WDR41: variants seen among roughly 807,000 people sequenced by gnomAD.
WDR41 encodes WD repeat domain 41, also known as WD repeat-containing protein 41.
Under a neutral mutation model 69.3 loss-of-function variants are expected in WDR41, and 63 were observed. The ratio of observed to expected loss-of-function variants is 0.91; its 90% confidence interval spans 0.74 to 1.12. The LOEUF is 1.12. WDR41 is among the 50% of genes most tolerant of loss of function. The pLI, the probability that WDR41 is intolerant of heterozygous loss-of-function variation, is 0.00. For synonymous variants in WDR41, 185 were observed against 192.1 expected (o/e 0.96, Z 0.31); for missense variants, 543 against 534.5 (o/e 1.02, Z -0.16).
chr5:77,454,927 G>A (rs928665129), intron 5 of WDR41, among the ~76,000 whole-genome samples: 2 of 152,062 alleles, frequency 1.3e-5, no homozygotes, highest in East Asian at 1.9e-4. Context: ...CATATAGATT[G>A]TTTCCATTTT....
intron 1 of WDR41, among the ~76,000 whole-genome samples, chr5:77,567,099 ACT>A (rs1340053427): frequency 2.0e-5 from 3 of 152,182 alleles, no homozygotes. Flanking sequence ...CTCTATTTAC[ACT>A]GATATCGGCT....
At position 77,432,901 on chromosome 5, in the gene WDR41, C is replaced by T. The variant is rs1798780252; in HGVS notation, c.*234G>A. The T allele has an allele frequency of 4.8e-6, 2 of 419,202 alleles. No individual in the cohort carries two copies. The allele number at this position is 419,202 out of a possible 1,614,324, so 26.0% of individuals were successfully genotyped here. On this transcript the variant is annotated 3_prime_UTR_variant, in exon 13 of 13. Coordinates refer to ENST00000296679, the MANE Select transcript of WDR41 (RefSeq NM_018268.4). ...CAAAACACAGCACTCACCACTTCAA[C>T]AGCAGCTCAAAGTCAAATGGAAAAA... is the stretch of plus-strand genomic sequence containing the variant.
At chr5:77,543,885 A>C (rs535715896) in intron 1 of WDR41, among the ~76,000 whole-genome samples, 83 of 152,244 alleles carry the variant, frequency 5.5e-4, no homozygotes, top group African/African-American at 1.9e-3. Flanking sequence ...TGAAGAAAAA[A>C]ATCTTAAGAG....
At chr5:77,607,220 G>A (rs969604354) in intron 1 of WDR41, among the ~76,000 whole-genome samples, 1 of 152,134 alleles carries the variant, frequency 6.6e-6, no homozygotes, top group Non-Finnish European at 1.5e-5. Context: ...TGAAGGTAAG[G>A]CTATCAACAC....
At chr5:77,515,301 A>G (rs890310594) in intron 1 of WDR41, among the ~76,000 whole-genome samples, 2 of 152,178 alleles carry the variant, frequency 1.3e-5, no homozygotes. Flanking sequence ...AGACATGAAC[A>G]TACACACTAG....
rs61463461 is a variant in WDR41 at position 77,481,784 on chromosome 5, C to CAAAA, written c.167+7669_167+7672dup. The stretch of plus-strand genomic sequence containing the variant: ...TGGGCGACAGAGCGAGACTCCGTCT[C>CAAAA]AAAAAAAAAAAAAAAAAAAAAAAAG... On this transcript the variant is annotated intron_variant, in intron 2 of 12. Transcript: ENST00000296679. 1.7e-3 allele frequency among the ~76,000 whole-genome samples: 147 copies of CAAAA among 87,358 alleles called. 2 individuals are homozygous for CAAAA. The highest frequency in any genetic ancestry group is 4.5e-3 in the African/African-American group (106 of 23,484). The allele number at this position is 87,358 out of a possible 152,430, so 57.3% of individuals were successfully genotyped here.
At chr5:77,578,151 A>G (rs1743866749) in intron 1 of WDR41, among the ~76,000 whole-genome samples, 1 of 152,200 alleles carries the variant, frequency 6.6e-6, no homozygotes, top group African/African-American at 2.4e-5. Context: ...CACTATTGTA[A>G]TGTCAAAAAA....
At chr5:77,598,414 A>C (rs1744262294) in intron 1 of WDR41, among the ~76,000 whole-genome samples, 1 of 152,172 alleles carries the variant, frequency 6.6e-6, no homozygotes, top group Admixed American at 6.5e-5. Context: ...CTGGGGGAAA[A>C]GGCTCTCTCT....
chr5:77,600,043 A>G (rs1441842468), intron 1 of WDR41, among the ~76,000 whole-genome samples: 1 of 152,180 alleles, frequency 6.6e-6, no homozygotes, highest in Non-Finnish European at 1.5e-5. Flanking sequence ...ATGCCTCCAG[A>G]TACAGCTGAA....
intron 2 of WDR41, among the ~76,000 whole-genome samples, chr5:77,476,227 G>C (rs150255698): frequency 0.025 from 3,879 of 152,218 alleles, 139 homozygotes; most frequent in African/African-American, 0.079. Context: ...AGGAAGAATG[G>C]AACCAAACTG....
chr5:77,449,985 C>A, intron 7 of WDR41, 115 bp from the exon 8 acceptor site: 3 of 692,206 alleles, frequency 4.3e-6, no homozygotes, highest in East Asian at 2.7e-5. Context: ...TACTGAAAAA[C>A]CCATCTCCAA....
At chr5:77,472,606 C>CA (rs1800678120) in intron 2 of WDR41, among the ~76,000 whole-genome samples, 1 of 152,128 alleles carries the variant, frequency 6.6e-6, no homozygotes, top group South Asian at 2.1e-4. Context: ...GTGCAAAAAT[C>CA]ACAAGCATTC....
chr5:77,450,841 T>C (rs1799599299), intron 7 of WDR41, among the ~76,000 whole-genome samples: 1 of 152,190 alleles, frequency 6.6e-6, no homozygotes, highest in African/African-American at 2.4e-5. Context: ...GGTCATGCCA[T>C]GCTTCTTTCT....
At chr5:77,534,995 A>G (rs1742942835) in intron 1 of WDR41, among the ~76,000 whole-genome samples, 10 of 152,230 alleles carry the variant, frequency 6.6e-5, no homozygotes, top group Admixed American at 6.5e-4. Flanking sequence ...TTATGTTTAA[A>G]CATTTTGTGG....
At chr5:77,545,654 A>G in intron 1 of WDR41, 1 of 422,680 alleles carries the variant, frequency 2.4e-6, no homozygotes, top group Non-Finnish European at 4.2e-6. Flanking sequence ...GAGATCATTG[A>G]CTTTTTCCTG....
In WDR41 at chr5:77,453,827, A is replaced by T; in HGVS notation, c.513T>A (p.Leu171=). The T allele has an allele frequency of 6.2e-7, 1 of 1,613,530 alleles. No individual in the cohort carries two copies. Among genetic ancestry groups the T allele is most frequent in the Non-Finnish European group, 8.5e-7 (1 of 1,179,518 alleles). ...KLDLLCKTSH[L]SDTGISALVE... ...CTTGATGTTTTTTACCTGTATCAGA[A>T]AGGTGGCTAGTCTTACACAGGAGAT... is the stretch of plus-strand genomic sequence containing the variant. The change falls in exon 6 of 13, where the codon CTT becomes CTA. Residue 171 remains leucine (L), a synonymous_variant. Transcript: ENST00000296679.
chr5:77,446,599 T>C (rs140757260), intron 8 of WDR41, among the ~76,000 whole-genome samples: 5,841 of 152,136 alleles, frequency 0.038, 120 homozygotes, highest in Middle Eastern at 0.095. Flanking sequence ...TGGAGCAGAA[T>C]AGACACCTCA....
At chr5:77,497,526 T>C (rs1801951339) in intron 1 of WDR41, among the ~76,000 whole-genome samples, 1 of 152,016 alleles carries the variant, frequency 6.6e-6, no homozygotes, top group Non-Finnish European at 1.5e-5. Context: ...ATTAGAAAAA[T>C]GCAAATCAAA....
intron 1 of WDR41, among the ~76,000 whole-genome samples, chr5:77,563,251 T>C (rs1743557399): frequency 6.6e-6 from 1 of 152,126 alleles, no homozygotes; most frequent in South Asian, 2.1e-4. Flanking sequence ...CACATACAGG[T>C]TACGATGGTC....
Sources: gnomAD v4.1 joint callset for allele counts (sites outside exome capture counted in the v4.1 genomes callset) on GRCh38, gnomAD v4.1.1 for gene constraint, MANE v1.5 for transcripts, NCBI Gene and HGNC (gene_info 2026-07-23, HGNC 2026-07-21) for gene names.